The following APOBEC1 variants were observed in gnomAD, a reference collection of about 807,000 sequenced individuals.
APOBEC1 encodes apolipoprotein B mRNA editing enzyme catalytic subunit 1.
In APOBEC1, 22 loss-of-function variants were observed where a neutral mutation model predicts 26.3. That is an observed-to-expected ratio of 0.84 (90% CI 0.60 to 1.19). The LOEUF is 1.19. Among genes scored for constraint, APOBEC1 ranks in the 50% most tolerant of loss-of-function variants. APOBEC1 has a pLI of 0.00. For synonymous variants in APOBEC1, 77 were observed against 95.3 expected, an observed-to-expected ratio of 0.81 and a Z score of 1.12; for missense variants, 253 against 289.0, an observed-to-expected ratio of 0.88 and a Z score of 0.90.
intron 4 of APOBEC1, 149 bp from the exon 5 acceptor site, chr12:7,649,845 C>G: frequency 2.9e-6 from 2 of 685,594 alleles, no homozygotes; most frequent in Non-Finnish European, 4.7e-6. Flanking sequence ...GTTCTGGACT[C>G]ACTGCATTCA....
intron 1 of APOBEC1, among the ~76,000 whole-genome samples, chr12:7,660,400 G>GAA (rs1304583740): frequency 9.8e-6 from 1 of 101,736 alleles, no homozygotes; most frequent in South Asian, 4.2e-4. Context: ...AAGAAAGAAA[G>GAA]AAAGAAAGAA....
At chr12:7,649,819 TC>T in intron 4 of APOBEC1, 123 bp from the exon 5 acceptor site, 1 of 836,974 alleles carries the variant, frequency 1.2e-6, no homozygotes, top group Admixed American at 2.8e-5. Context: ...TTTTTTTTTT[TC>T]CCAGACAGGG....
intron 1 of APOBEC1, among the ~76,000 whole-genome samples, chr12:7,654,975 G>A (rs181155494): frequency 3.0e-4 from 45 of 152,272 alleles, no homozygotes; most frequent in Admixed American, 1.2e-3. Context: ...TTGGGAGACC[G>A]AGGCAGGTGG....
At chr12:7,668,713 C>T (rs1363992011), upstream of APOBEC1, among the ~76,000 whole-genome samples, 1 of 152,010 alleles carries the variant, frequency 6.6e-6, no homozygotes, top group East Asian at 1.9e-4. Context: ...ATTCCCATCA[C>T]CCCAAAAGTT....
chr12:7,661,448 G>C (rs1360696093), intron 1 of APOBEC1, among the ~76,000 whole-genome samples: 1 of 151,824 alleles, frequency 6.6e-6, no homozygotes, highest in South Asian at 2.1e-4. Flanking sequence ...AAGAGTATTT[G>C]GTAGTGTGGA....
chr12:7,668,815 G>T (rs1863922285), upstream of APOBEC1, among the ~76,000 whole-genome samples: 1 of 151,934 alleles, frequency 6.6e-6, no homozygotes, highest in African/African-American at 2.4e-5. Flanking sequence ...TGTAGCCTCA[G>T]CCCCCCGGGT....
intron 1 of APOBEC1, among the ~76,000 whole-genome samples, chr12:7,656,224 C>T (rs1592059209): frequency 8.6e-6 from 1 of 116,566 alleles, no homozygotes; most frequent in African/African-American, 3.0e-5. Flanking sequence ...TGCTGCTCCC[C>T]TGCATGACCC....
chr12:7,656,830 A>G (rs1457624415), intron 1 of APOBEC1, among the ~76,000 whole-genome samples: 1 of 152,184 alleles, frequency 6.6e-6, no homozygotes, highest in Non-Finnish European at 1.5e-5. Flanking sequence ...AGCCTTTCAG[A>G]GGGTTAGAAA....
chr12:7,649,621 A>G lies in APOBEC1; in HGVS notation c.637T>C (p.Cys213Arg), dbSNP rs992576796. 7 of 1,613,970 alleles carry G rather than the reference A, an allele frequency of 4.3e-6. No homozygotes were observed. In the African/African-American group the frequency reaches 5.3e-5, roughly 12 times the overall value. Residue 213 changes from cysteine to arginine, a missense_variant, in exon 5 of 5, where the codon TGC becomes CGC. Transcript: ENST00000229304. The part of the protein sequence containing the change: ...LTFFRLHLQN[C>R]HYQTIPPHIL... Reference sequence around the variant, plus strand: ...TGTGGCGGAATCGTTTGGTAATGGCAGTTTTGAAGATGAAGTCTGAAAAAT... The same window carrying G: ...TGTGGCGGAATCGTTTGGTAATGGCGGTTTTGAAGATGAAGTCTGAAAAAT...
intron 1 of APOBEC1, among the ~76,000 whole-genome samples, chr12:7,660,325 A>AGGGAG (rs1414357678): frequency 1.8e-4 from 24 of 133,824 alleles, no homozygotes; most frequent in East Asian, 4.4e-4. Flanking sequence ...GAAGGAAGGA[A>AGGGAG]GGAAGGAAGG....
intron 1 of APOBEC1, among the ~76,000 whole-genome samples, chr12:7,659,451 C>T (rs1349498731): frequency 2.7e-5 from 4 of 148,312 alleles, no homozygotes; most frequent in Non-Finnish European, 5.9e-5. Context: ...TTAATTTGCA[C>T]CAGGGAGATA....
At chr12:7,656,467 C>T (rs1188581457) in intron 1 of APOBEC1, among the ~76,000 whole-genome samples, 5 of 152,110 alleles carry the variant, frequency 3.3e-5, no homozygotes, top group African/African-American at 7.2e-5. Context: ...GAAGTAAAAC[C>T]AGGCAAAACC....
intron 1 of APOBEC1, among the ~76,000 whole-genome samples, chr12:7,658,407 T>A (rs531628260): frequency 6.6e-6 from 1 of 152,028 alleles, no homozygotes; most frequent in African/African-American, 2.4e-5. Flanking sequence ...ATTAAATAGG[T>A]GTTGGAGTCC....
chr12:7,664,983 T>C (rs946987494), intron 1 of APOBEC1, among the ~76,000 whole-genome samples: 4 of 151,948 alleles, frequency 2.6e-5, no homozygotes, highest in African/African-American at 9.7e-5. Context: ...GGGTGGAGAA[T>C]TGCTTGAGCC....
intron 1 of APOBEC1, 26 bp downstream of exon 1, chr12:7,665,831 T>G (rs780578696): frequency 5.0e-6 from 8 of 1,596,570 alleles, no homozygotes. Context: ...TCAAGAATAC[T>G]TGCCAAGCCC....
At chr12:7,657,351 C>T (rs1478926669) in intron 1 of APOBEC1, among the ~76,000 whole-genome samples, 1 of 152,064 alleles carries the variant, frequency 6.6e-6, no homozygotes, top group Non-Finnish European at 1.5e-5. Flanking sequence ...GACTCTGAGG[C>T]TTTTTGCACC....
At chr12:7,651,215 T>C (rs1863633344) in intron 3 of APOBEC1, 74 bp from the exon 4 acceptor site, 1 of 1,044,036 alleles carries the variant, frequency 9.6e-7, no homozygotes, top group African/African-American at 1.6e-5. Context: ...CAACCTAGCT[T>C]CCCGTATAGA....
Position 7,649,710 on chromosome 12 carries a change from G to C in APOBEC1, c.562-14C>G. 6.4e-7 allele frequency: 1 copy of C among 1,572,690 alleles called. No homozygotes were observed. The highest frequency in any genetic ancestry group is 8.7e-7 in the Non-Finnish European group (1 of 1,144,578). On this transcript the variant is annotated splice_polypyrimidine_tract_variant and intron_variant, in intron 4 of 4. Coordinates refer to ENST00000229304, the MANE Select transcript of APOBEC1 (RefSeq NM_001644.5). Reference sequence around the variant, plus strand: ...GGGTGGAAGACTCTGGAATAAAAAAGGATTATATTTAATCCTTAGGATGAA... The same window carrying C: ...GGGTGGAAGACTCTGGAATAAAAAACGATTATATTTAATCCTTAGGATGAA...
At chr12:7,658,432 A>G (rs1415162791) in intron 1 of APOBEC1, among the ~76,000 whole-genome samples, 1 of 152,178 alleles carries the variant, frequency 6.6e-6, no homozygotes, top group Non-Finnish European at 1.5e-5. Context: ...TTACAGGTAC[A>G]TTATTTTTCA....
Sources: gnomAD v4.1 joint callset for allele counts (sites outside exome capture counted in the v4.1 genomes callset) on GRCh38, gnomAD v4.1.1 for gene constraint, MANE v1.5 for transcripts, NCBI Gene and HGNC (gene_info 2026-07-23, HGNC 2026-07-21) for gene names.